Variants in CPPED1 observed in about 807,000 individuals in gnomAD.
The protein encoded by CPPED1 is calcineurin like phosphoesterase domain containing 1, also known as serine/threonine-protein phosphatase CPPED1.
Under a neutral mutation model 28.0 loss-of-function variants are expected in CPPED1, and 28 were observed. The observed-to-expected ratio is 1.00, with a 90% CI of 0.74 to 1.37. CPPED1 has a LOEUF of 1.37. Among genes scored for constraint, CPPED1 ranks in the 40% most tolerant of loss-of-function variants. CPPED1 has a pLI of 0.00. For synonymous variants in CPPED1, 198 were observed against 180.2 expected, an observed-to-expected ratio of 1.10 and a Z score of -0.79; for missense variants, 504 against 416.5, an observed-to-expected ratio of 1.21 and a Z score of -1.83.
At chr16:12,756,137 C>CA (rs1165308331) in intron 2 of CPPED1, among the ~76,000 whole-genome samples, 4 of 144,250 alleles carry the variant, frequency 2.8e-5, no homozygotes, top group Non-Finnish European at 5.9e-5. Flanking sequence ...TCAAAAAAAA[C>CA]AAAAAAAAAT....
intron 3 of CPPED1, among the ~76,000 whole-genome samples, chr16:12,679,296 T>A (rs1245668246): frequency 1.3e-5 from 2 of 152,234 alleles, no homozygotes; most frequent in Non-Finnish European, 2.9e-5. Flanking sequence ...GATATTCTTT[T>A]TACTATTCCT....
chr16:12,672,822 T>A (rs970935495), intron 3 of CPPED1, among the ~76,000 whole-genome samples: 3 of 152,152 alleles, frequency 2.0e-5, no homozygotes, highest in Non-Finnish European at 2.9e-5. Context: ...GAGAACAGCC[T>A]GGCCAAGATG....
Position 12,781,263 on chromosome 16 carries a change from C to T in CPPED1, c.211G>A (p.Ala71Thr), listed in dbSNP as rs761798646. The T allele has an allele frequency of 6.2e-7, 1 of 1,614,138 alleles. No individual in the cohort carries two copies. The highest frequency in any genetic ancestry group is 1.7e-5 in the Admixed American group (1 of 60,008). Reference sequence around the variant, plus strand: ...TTCAGCTTGTTGATGGCCTGGACGGCTTGCTCAGTTAGACGGATCTCCTGT... The same window carrying T: ...TTCAGCTTGTTGATGGCCTGGACGGTTTGCTCAGTTAGACGGATCTCCTGT... ...WEQEIRLTEQAVQAINKLNPK... is the reference protein window; with the variant it reads ...WEQEIRLTEQTVQAINKLNPK... The change falls in exon 2 of 4, where the codon GCC becomes ACC. Residue 71 changes from alanine (A) to threonine (T), a missense_variant. Transcript: ENST00000381774.
chr16:12,712,785 T>C (rs568906595), intron 2 of CPPED1, among the ~76,000 whole-genome samples: 1 of 152,220 alleles, frequency 6.6e-6, no homozygotes, highest in Non-Finnish European at 1.5e-5. Flanking sequence ...GAGATAAAAA[T>C]ATCTAGAAAA....
rs71393703 is a variant in CPPED1 at position 12,766,242 on chromosome 16, A to AATATATATATATATATATATAT, written c.289+14942_289+14943insATATATATATATATATATATAT. 2.5e-4 allele frequency among the ~76,000 whole-genome samples: 32 copies of AATATATATATATATATATATAT among 126,608 alleles called. 1 individual carries two copies. The highest frequency in any genetic ancestry group is 1.1e-3 in the African/African-American group (30 of 26,888). 83.1% of individuals were successfully genotyped at this position (126,608 alleles called of 152,430 possible). A position where few individuals can be genotyped will look rare whatever the true frequency, so the allele number is the denominator to read the frequency against. On this transcript the variant is annotated intron_variant, in intron 2 of 3. Coordinates refer to ENST00000381774, the MANE Select transcript of CPPED1 (RefSeq NM_018340.3). ...ACCCCATCTCTACAAAAAAAATACA[A>AATATATATATATATATATATAT]ATATATATATATATAGAGAGAGAGA... is the stretch of plus-strand genomic sequence containing the variant.
intron 3 of CPPED1, among the ~76,000 whole-genome samples, chr16:12,669,439 C>T (rs1274647307): frequency 2.0e-5 from 3 of 151,884 alleles, no homozygotes; most frequent in Non-Finnish European, 2.9e-5. Context: ...TATATTAAAA[C>T]GACTAAATTT....
chr16:12,763,535 T>A (rs2080422061), intron 2 of CPPED1, among the ~76,000 whole-genome samples: 1 of 152,234 alleles, frequency 6.6e-6, no homozygotes, highest in South Asian at 2.1e-4. Context: ...CTGTATTAAA[T>A]GCCAGCCAAT....
chr16:12,679,378 A>G lies in CPPED1; in HGVS notation c.716-14263T>C, dbSNP rs117166668. 6.7e-3 allele frequency among the ~76,000 whole-genome samples: 1,016 copies of G among 152,352 alleles called. 4 individuals are homozygous for G. Among genetic ancestry groups the G allele is most frequent in the Non-Finnish European group, 9.7e-3 (660 of 68,038 alleles). ...GTAAAACAAAAACAAAAACAAAAAC[A>G]ATGCATACTTGTTAAATTAAACCCA... is the stretch of plus-strand genomic sequence containing the variant. On this transcript the variant is annotated intron_variant, in intron 3 of 3. Transcript: ENST00000381774.
At chr16:12,740,340 G>C (rs1002494325) in intron 2 of CPPED1, among the ~76,000 whole-genome samples, 37 of 151,818 alleles carry the variant, frequency 2.4e-4, no homozygotes, top group African/African-American at 7.8e-4. Flanking sequence ...AGCTACTCAG[G>C]AGGCTGAGGT....
intron 2 of CPPED1, among the ~76,000 whole-genome samples, chr16:12,766,131 T>A (rs1209978885): frequency 6.6e-6 from 1 of 151,800 alleles, no homozygotes; most frequent in Non-Finnish European, 1.5e-5. Flanking sequence ...AGGCGTTCAT[T>A]AGCTCCAGAA....
In CPPED1 at chr16:12,670,510, TA is replaced by T. The variant is rs997383381; in HGVS notation, c.716-5396del. Among the ~76,000 whole-genome samples, 497 of 144,870 alleles carry T rather than the reference TA, an allele frequency of 3.4e-3. 1 individual carries two copies. The highest frequency in any genetic ancestry group is 9.7e-3 in the African/African-American group (384 of 39,664). On this transcript the variant is annotated intron_variant, in intron 3 of 3. Coordinates refer to ENST00000381774, the MANE Select transcript of CPPED1 (RefSeq NM_018340.3). The surrounding 1 kb of genome is among the most constrained non-coding windows in gnomAD (Gnocchi z 4.2). ...AAAGAGTATAGTTTAAAGAGAAGGT[TA>T]AAAAAAAAAAGAATGTATTTACAGT...
chr16:12,695,808 C>T (rs930557084), intron 3 of CPPED1, among the ~76,000 whole-genome samples: 5 of 152,146 alleles, frequency 3.3e-5, no homozygotes, highest in African/African-American at 4.8e-5. Flanking sequence ...TGGCTGTGCT[C>T]GAGTCTTTCT....
chr16:12,764,254 A>C (rs945310853), intron 2 of CPPED1, among the ~76,000 whole-genome samples: 1 of 151,404 alleles, frequency 6.6e-6, no homozygotes, highest in Non-Finnish European at 1.5e-5. Context: ...CCCAGGCCAG[A>C]GTGCAGTGGT....
At chr16:12,744,546 C>T (rs1318216101) in intron 2 of CPPED1, among the ~76,000 whole-genome samples, 4 of 152,090 alleles carry the variant, frequency 2.6e-5, no homozygotes, top group Admixed American at 1.3e-4. Flanking sequence ...AGAGACAGGA[C>T]GCTAGTGAGA....
intron 2 of CPPED1, among the ~76,000 whole-genome samples, chr16:12,777,663 T>C (rs1289127666): frequency 1.3e-5 from 2 of 152,332 alleles, no homozygotes; most frequent in Admixed American, 6.5e-5. Flanking sequence ...TCCTATGGGC[T>C]TGGCACCAAG....
intron 3 of CPPED1, among the ~76,000 whole-genome samples, chr16:12,701,804 A>G (rs1187217269): frequency 6.6e-6 from 1 of 152,192 alleles, no homozygotes; most frequent in Non-Finnish European, 1.5e-5. Context: ...CTACAGAGAC[A>G]CGAAGGAGGT....
At chr16:12,766,051 C>A (rs1190973502) in intron 2 of CPPED1, among the ~76,000 whole-genome samples, 1 of 151,924 alleles carries the variant, frequency 6.6e-6, no homozygotes, top group East Asian at 1.9e-4. Flanking sequence ...CAGCTAAGCA[C>A]AAGCTAGAAA....
In CPPED1 at chr16:12,704,681, A is replaced by G; in HGVS notation, c.658T>C (p.Tyr220His). 1 of 1,614,178 alleles carries G rather than the reference A, an allele frequency of 6.2e-7. No homozygotes were observed. The highest frequency in any genetic ancestry group is 1.1e-5 in the South Asian group (1 of 91,078). ...LESIDEDDDY[Y>H]FNLSKSTRKK... is the part of the protein sequence containing the mutation. ...CGAGTGGACTTGCTGAGGTTGAAGT[A>G]GTAGTCGTCGTCCTCGTCGATGCTC... The change falls in exon 3 of 4, where the codon TAC (tyrosine) becomes CAC (histidine). Residue 220 changes from tyrosine (Y) to histidine (H), a missense_variant. Tyr to His is a moderately conservative substitution (Grantham distance 83, BLOSUM62 2). Coordinates refer to ENST00000381774, the MANE Select transcript of CPPED1 (RefSeq NM_018340.3).
At position 12,720,672 on chromosome 16, in the gene CPPED1, G is replaced by T. The variant is rs143574118; in HGVS notation, c.290-15623C>A. Among the ~76,000 whole-genome samples the T allele has an allele frequency of 4.3e-4, 65 of 152,220 alleles. No individual in the cohort carries two copies. In the East Asian group the frequency reaches 0.011, roughly 26 times the overall value. On this transcript the variant is annotated intron_variant, in intron 2 of 3. Transcript: ENST00000381774. ...TTGGCTAATTTTTGTATTTTTAGTG[G>T]AGACAGGGTTTCACCATGTTGGCCA... is the stretch of plus-strand genomic sequence containing the variant.
Sources: gnomAD v4.1 joint callset for allele counts (sites outside exome capture counted in the v4.1 genomes callset) on GRCh38, gnomAD v4.1.1 for gene constraint, Gnocchi (gnomAD v3.1) non-coding constraint, MANE v1.5 for transcripts, NCBI Gene and HGNC (gene_info 2026-07-23, HGNC 2026-07-21) for gene names.